The following AKT2 variants were observed in gnomAD, a reference collection of about 807,000 sequenced individuals.
AKT2 encodes the protein RAC-beta serine/threonine-protein kinase.
Under a neutral mutation model 58.6 loss-of-function variants are expected in AKT2, and 16 were observed. The ratio of observed to expected loss-of-function variants is 0.27; its 90% CI spans 0.18 to 0.41. The LOEUF (loss-of-function observed/expected upper bound fraction) is 0.41, where lower values mean the gene tolerates loss of function less well. Among genes scored for constraint, AKT2 ranks in the 10% least tolerant of loss-of-function variants. AKT2 has a pLI of 1.00. For missense variants in AKT2, 438 were observed against 661.0 expected, an observed-to-expected ratio of 0.66 and a Z score of 3.70; for synonymous variants, 253 against 254.0, an observed-to-expected ratio of 1.00 and a Z score of 0.04.
intron 1 of AKT2, among the ~76,000 whole-genome samples, chr19:40,273,808 C>T (rs750759420): frequency 2.0e-5 from 3 of 152,146 alleles, no homozygotes; most frequent in Non-Finnish European, 4.4e-5. Flanking sequence ...CTCCATGCTG[C>T]AACCAGCGGG....
chr19:40,238,044 G>A lies in AKT2; in HGVS notation c.756C>T (p.Ala252=), dbSNP rs748456625. The change falls in exon 9 of 14, where the codon GCC becomes GCT. Residue 252 remains alanine (A), a synonymous_variant. Coordinates refer to ENST00000392038, the MANE Select transcript of AKT2 (RefSeq NM_001626.6). This position sits in a 1 kb window ranked among gnomAD's most constrained non-coding sequence, Gnocchi z 5.1. ...AGACAATCTCTGCACCATAAAACCG[G>A]GCCCGCTCCTCTGTGAAGACACGCT... ...SRERVFTEER[A]RFYGAEIVSA... The A allele has an allele frequency of 1.9e-6, 3 of 1,609,656 alleles. No homozygotes were observed. The Admixed American group carries it at 5.1e-5, about 27-fold the overall frequency.
Position 40,256,953 on chromosome 19 carries a change from G to C in AKT2, c.148C>G (p.Pro50Ala), listed in dbSNP as rs184042322. 7 of 1,614,174 alleles carry C rather than the reference G, an allele frequency of 4.3e-6. No individual in the cohort carries two copies. In the Admixed American group the frequency reaches 6.7e-5, roughly 15 times the overall value. ...GCTACGGAGAAGTTGTTTAAGGGGG[G>C]TAGAGTCTGATCAGGGGCCTCGGGC... ...ERPEAPDQTLPPLNNFSVAEC... is the reference protein window; with the variant it reads ...ERPEAPDQTLAPLNNFSVAEC... Residue 50 changes from proline (P) to alanine (A), a missense_variant, in exon 3 of 14, where the codon CCC becomes GCC. By Grantham distance (27) the Pro-to-Ala change is conservative. Around this residue, in one of 3 missense-constraint regions of AKT2, gnomAD observed 244 missense variants for 347.1 expected, o/e 0.70. Transcript: ENST00000392038.
At chr19:40,274,757 A>G in intron 1 of AKT2, 1 of 320,166 alleles carries the variant, frequency 3.1e-6, no homozygotes, top group Non-Finnish European at 6.3e-6. Context: ...AGGCGCCTAC[A>G]GGAGTGGGTG....
intron 1 of AKT2, among the ~76,000 whole-genome samples, chr19:40,276,011 C>CAAAA (rs748730960): frequency 9.3e-6 from 1 of 107,140 alleles, no homozygotes. Flanking sequence ...GACTCCGTCT[C>CAAAA]AAAAAAAAAA....
intron 1 of AKT2, among the ~76,000 whole-genome samples, chr19:40,278,360 G>A (rs867762893): frequency 6.6e-6 from 1 of 152,158 alleles, no homozygotes; most frequent in African/African-American, 2.4e-5. Flanking sequence ...GGATGAGTGA[G>A]AGCAGACACC....
At chr19:40,245,296 T>C (rs1330545949) in intron 4 of AKT2, among the ~76,000 whole-genome samples, 1 of 152,068 alleles carries the variant, frequency 6.6e-6, no homozygotes, top group Non-Finnish European at 1.5e-5. Flanking sequence ...CCCTGCAATT[T>C]AGGAGGCAGA....
Position 40,233,228 on chromosome 19 carries a change from C to T in AKT2, c.*644G>A. On this transcript the variant is annotated 3_prime_UTR_variant, in exon 14 of 14. Transcript: ENST00000392038. This position sits in a 1 kb window ranked among gnomAD's most constrained non-coding sequence, Gnocchi z 4.3. ...AGGAGGCCGGACCAGGAGGCGGCAC[C>T]CAGCCCGGCCACTCCTGGTTCCCCA... The T allele has an allele frequency of 3.8e-6, 1 of 262,454 alleles. No individual in the cohort carries two copies. Among genetic ancestry groups the T allele is most frequent in the East Asian group, 5.7e-5 (1 of 17,468 alleles). The allele number at this position is 262,454 out of a possible 1,614,324, so 16.3% of individuals were successfully genotyped here.
At chr19:40,278,247 A>G (rs755770229) in intron 1 of AKT2, among the ~76,000 whole-genome samples, 4 of 152,170 alleles carry the variant, frequency 2.6e-5, no homozygotes, top group Non-Finnish European at 5.9e-5. Flanking sequence ...TTCAACCATC[A>G]TGCCTATTAC....
At chr19:40,252,100 C>T (rs1975200749) in intron 4 of AKT2, among the ~76,000 whole-genome samples, 1 of 152,190 alleles carries the variant, frequency 6.6e-6, no homozygotes, top group South Asian at 2.1e-4. Flanking sequence ...AACAAGCAGT[C>T]ACCGACTGGC....
intron 2 of AKT2, among the ~76,000 whole-genome samples, chr19:40,259,002 T>G (rs1975749630): frequency 6.6e-6 from 1 of 152,138 alleles, no homozygotes; most frequent in Non-Finnish European, 1.5e-5. Flanking sequence ...ATTTCAAAAT[T>G]TACTATACAA....
At position 40,233,836 on chromosome 19, in the gene AKT2, G is replaced by A. The variant is rs1297029383; in HGVS notation, c.*36C>T. On this transcript the variant is annotated 3_prime_UTR_variant, in exon 14 of 14. Transcript: ENST00000392038. The surrounding 1 kb of genome is among the most constrained non-coding windows in gnomAD (Gnocchi z 4.3). ...GGGGAAAAAACCACCCAGCGGTGAT[G>A]GCAGCGAGCGTGCGTCCTCTGCGTG... 6.2e-7 allele frequency: 1 copy of A among 1,601,146 alleles called. No individual in the cohort carries two copies. Among genetic ancestry groups the A allele is most frequent in the African/African-American group, 1.3e-5 (1 of 74,816 alleles).
intron 6 of AKT2, 74 bp downstream of exon 6, chr19:40,241,864 G>C: frequency 6.2e-7 from 1 of 1,604,416 alleles, no homozygotes; most frequent in South Asian, 1.1e-5. Flanking sequence ...GCGGGTAAGC[G>C]TCCAGGCCTC....
chr19:40,247,209 C>T (rs894727789), intron 4 of AKT2, among the ~76,000 whole-genome samples: 1 of 152,188 alleles, frequency 6.6e-6, no homozygotes, highest in Admixed American at 6.5e-5. Flanking sequence ...GCGTCTGGGG[C>T]AAAGGGGAGC....
intron 2 of AKT2, among the ~76,000 whole-genome samples, chr19:40,257,472 A>G (rs1242051563): frequency 6.6e-6 from 1 of 152,172 alleles, no homozygotes; most frequent in Non-Finnish European, 1.5e-5. Flanking sequence ...GGTAGCTCCA[A>G]TGCCAAAACA....
chr19:40,240,398 A>G, intron 6 of AKT2: 1 of 634,302 alleles, frequency 1.6e-6, no homozygotes, highest in East Asian at 3.3e-5. Context: ...AAGGGAGACA[A>G]ACAGACATCA....
rs1213795237 is a variant in AKT2 at position 40,233,573 on chromosome 19, C to T, written c.*299G>A. ...GCAGGCCCCAGGCGCCATGCTTCAC[C>T]CCTCACTGGGGCTTGTGTGGATTAA... On this transcript the variant is annotated 3_prime_UTR_variant, in exon 14 of 14. Transcript: ENST00000392038. The surrounding 1 kb of genome is among the most constrained non-coding windows in gnomAD (Gnocchi z 4.3). The T allele has an allele frequency of 4.3e-6, 3 of 691,062 alleles. No homozygotes were observed. Among genetic ancestry groups the T allele is most frequent in the South Asian group, 1.4e-5 (1 of 73,098 alleles). 42.8% of individuals were successfully genotyped at this position (691,062 alleles called of 1,614,324 possible). A position where few individuals can be genotyped will look rare whatever the true frequency, so the allele number is the denominator to read the frequency against.
intron 4 of AKT2, among the ~76,000 whole-genome samples, chr19:40,246,671 G>GGTGGAGAGAACACAGATGGTCCCTCT: frequency 6.6e-6 from 1 of 152,182 alleles, no homozygotes; most frequent in Non-Finnish European, 1.5e-5. Flanking sequence ...CAAAGACAGG[G>GGTGGAGAGAACACAGATGGTCCCTCT]GTGGAGAGAA....
rs1257065618 is a variant in AKT2, at chr19:40,242,635, C to A, written c.340G>T (p.Ala114Ser). 6.2e-7 allele frequency: 1 copy of A among 1,613,476 alleles called. No individual in the cohort carries two copies. Among genetic ancestry groups the A allele is most frequent in the Admixed American group, 1.7e-5 (1 of 60,024 alleles). ...QMVANSLKQR[A>S]PGEDPMDYKC... Reference sequence around the variant, plus strand: ...TAGTCCATGGGGTCCTCGCCTGGGGCCCGCTGCTTGAGGCTGTTGGCGACC... The same window carrying A: ...TAGTCCATGGGGTCCTCGCCTGGGGACCGCTGCTTGAGGCTGTTGGCGACC... Residue 114 changes from alanine to serine, a missense_variant, in exon 5 of 14, where the codon GCC becomes TCC. This residue lies in a region of AKT2 where 244 missense variants were observed against 347.1 expected (regional missense o/e 0.70). Transcript: ENST00000392038. The surrounding 1 kb of genome is among the most constrained non-coding windows in gnomAD (Gnocchi z 4.3).
rs913172348 is a variant in AKT2 at position 40,234,844 on chromosome 19, G to A, written c.1366+201C>T. 13 of 669,966 alleles carry A rather than the reference G, an allele frequency of 1.9e-5. No individual in the cohort carries two copies. Among genetic ancestry groups the A allele is most frequent in the Non-Finnish European group, 3.3e-5 (12 of 368,696 alleles). The allele number at this position is 669,966 out of a possible 1,614,324, so 41.5% of individuals were successfully genotyped here. A position where few individuals can be genotyped will look rare whatever the true frequency, so the allele number is the denominator to read the frequency against. On this transcript the variant is annotated intron_variant, in intron 13 of 13. Coordinates refer to ENST00000392038, the MANE Select transcript of AKT2 (RefSeq NM_001626.6). This position sits in a 1 kb window ranked among gnomAD's most constrained non-coding sequence, Gnocchi z 4.7. ...GAGCCCCCCGACTGAGCTCCAGAACGTGCTGCAGTCAATGGCTCCTGGTGG... is the reference window on the plus strand; with the variant it reads ...GAGCCCCCCGACTGAGCTCCAGAACATGCTGCAGTCAATGGCTCCTGGTGG...
Sources: gnomAD v4.1 joint callset for allele counts (sites outside exome capture counted in the v4.1 genomes callset) on GRCh38, gnomAD v4.1.1 for gene constraint, gnomAD v4.1.1 regional missense constraint, Gnocchi (gnomAD v3.1) non-coding constraint, MANE v1.5 for transcripts, NCBI Gene and HGNC (gene_info 2026-07-23, HGNC 2026-07-21) for gene names.